The following ABCD3 variants were observed in gnomAD, a reference collection of about 807,000 sequenced individuals.
ABCD3 encodes the protein ATP binding cassette subfamily D member 3.
Under a neutral mutation model 105.5 loss-of-function variants are expected in ABCD3, and 41 were observed. That is an observed-to-expected ratio of 0.39 (90% confidence interval 0.30 to 0.50). The LOEUF (loss-of-function observed/expected upper bound fraction) is 0.50, where lower values mean the gene tolerates loss of function less well. Ranked by LOEUF, ABCD3 falls within the 20% of genes least tolerant of loss-of-function variation. The pLI, the probability that ABCD3 is intolerant of heterozygous loss-of-function variation, is 0.84. For missense variants in ABCD3, 622 were observed against 806.3 expected, an observed-to-expected ratio of 0.77 and a Z score of 2.77; for synonymous variants, 258 against 269.0, an observed-to-expected ratio of 0.96 and a Z score of 0.40.
chr1:94,476,212 A>G (rs949896189), intron 7 of ABCD3, among the ~76,000 whole-genome samples: 12 of 152,114 alleles, frequency 7.9e-5, no homozygotes, highest in African/African-American at 2.9e-4. Flanking sequence ...CAGTTTTCTA[A>G]TTACTGTTTT....
intron 21 of ABCD3, 99 bp from the exon 22 acceptor site, chr1:94,515,047 A>C (rs1195752955): frequency 1.1e-6 from 1 of 916,934 alleles, no homozygotes; most frequent in Non-Finnish European, 1.8e-6. Context: ...TTTTAACTTT[A>C]GTCACTGAAG....
intron 15 of ABCD3, among the ~76,000 whole-genome samples, chr1:94,490,390 C>T (rs1370713779): frequency 6.6e-6 from 1 of 151,944 alleles, no homozygotes; most frequent in African/African-American, 2.4e-5. Flanking sequence ...AATATTACCC[C>T]CATTTCCTCT....
chr1:94,390,901 C>G, the ABCD3 span, among the ~76,000 whole-genome samples: 187 of 152,318 alleles, frequency 1.2e-3, no homozygotes, highest in African/African-American at 4.3e-3. Flanking sequence ...CTTGGCTTCT[C>G]TATGCCCCCA....
At chr1:94,481,984 G>A (rs775106403) in intron 9 of ABCD3, 1 of 152,208 alleles carries the variant, frequency 6.6e-6, no homozygotes, top group Non-Finnish European at 1.5e-5. Flanking sequence ...GAGAATAGAT[G>A]TTGGATGGGC....
chr1:94,390,578 C>T, the ABCD3 span, among the ~76,000 whole-genome samples: 14 of 152,260 alleles, frequency 9.2e-5, no homozygotes, highest in Admixed American at 5.9e-4. Flanking sequence ...GCTGGGATTA[C>T]AGGTGTGTGC....
intron 4 of ABCD3, chr1:94,472,204 A>G (rs1648488828): frequency 1.0e-6 from 1 of 981,070 alleles, no homozygotes; most frequent in African/African-American, 1.8e-5. Flanking sequence ...GGCTTTATTC[A>G]AGAAACCATT....
At position 94,467,901 on chromosome 1, in the gene ABCD3, A is replaced by G. The variant is rs371274977; in HGVS notation, c.247-18A>G. 9.3e-5 allele frequency: 146 copies of G among 1,561,912 alleles called. No individual in the cohort carries two copies. The highest frequency in any genetic ancestry group is 1.2e-4 in the Non-Finnish European group (136 of 1,133,616). On this transcript the variant is annotated intron_variant, in intron 3 of 22. Transcript: ENST00000370214. Reference sequence around the variant, plus strand: ...CTAAAATGCATGTATTTAATTTACTATACCTGGTTTATTTTAGACAGGTTA... The same window carrying G: ...CTAAAATGCATGTATTTAATTTACTGTACCTGGTTTATTTTAGACAGGTTA...
At chr1:94,405,933 A>T in the ABCD3 span, among the ~76,000 whole-genome samples, 1 of 150,374 alleles carries the variant, frequency 6.7e-6, no homozygotes, top group Non-Finnish European at 1.5e-5. Context: ...AGAAATTTTT[A>T]AAAATTATAT....
intron 21 of ABCD3, among the ~76,000 whole-genome samples, chr1:94,507,700 T>C (rs1242152961): frequency 6.6e-6 from 1 of 152,070 alleles, no homozygotes; most frequent in Non-Finnish European, 1.5e-5. Flanking sequence ...GTGTGAGATG[T>C]TATCTCACTG....
At chr1:94,409,745 T>C in the ABCD3 span, among the ~76,000 whole-genome samples, 3 of 152,140 alleles carry the variant, frequency 2.0e-5, no homozygotes, top group Non-Finnish European at 4.4e-5. Context: ...CACATAGTGG[T>C]ACAGAATCCA....
intron 1 of ABCD3, among the ~76,000 whole-genome samples, chr1:94,429,095 T>C (rs145556962): frequency 6.6e-4 from 101 of 152,306 alleles, no homozygotes; most frequent in African/African-American, 2.4e-3. Context: ...AAGGTGACTC[T>C]TGTTATGTTT....
the ABCD3 span, among the ~76,000 whole-genome samples, chr1:94,388,558 C>A: frequency 2.0e-5 from 3 of 152,190 alleles, no homozygotes; most frequent in African/African-American, 7.2e-5. Context: ...GAGAAGCACC[C>A]TACTTGCCCC....
chr1:94,434,839 C>G (rs1021668661), intron 1 of ABCD3, among the ~76,000 whole-genome samples: 1 of 152,196 alleles, frequency 6.6e-6, no homozygotes, highest in Non-Finnish European at 1.5e-5. Flanking sequence ...CCACATGGCC[C>G]TTCCCAGTCA....
At position 94,489,939 on chromosome 1, in the gene ABCD3, G is replaced by C; in HGVS notation, c.1286G>C (p.Gly429Ala). Residue 429 changes from glycine to alanine, a missense_variant, in exon 15 of 23, where the codon GGT becomes GCT. Around this residue, in one of 4 missense-constraint regions of ABCD3, gnomAD observed 285 missense variants for 352.5 expected, o/e 0.81. Transcript: ENST00000370214. ...GTACAAGTCATTCCCTTGATACCTG[G>C]TGCTGGAGAAATCATTATTGCAGAT... ...EGVQVIPLIPGAGEIIIADNI... is the reference protein window; with the variant it reads ...EGVQVIPLIPAAGEIIIADNI... 1 of 1,613,074 alleles carries C rather than the reference G, an allele frequency of 6.2e-7. No homozygotes were observed. The highest frequency in any genetic ancestry group is 8.5e-7 in the Non-Finnish European group (1 of 1,179,288).
chr1:94,497,841 A>G (rs889501966), intron 16 of ABCD3, among the ~76,000 whole-genome samples: 11 of 152,164 alleles, frequency 7.2e-5, no homozygotes, highest in African/African-American at 2.7e-4. Context: ...ACTATGGAAG[A>G]TGCTTGAGGC....
chr1:94,482,752 C>T, intron 9 of ABCD3: 1 of 189,986 alleles, frequency 5.3e-6, no homozygotes, highest in Non-Finnish European at 1.1e-5. Context: ...TATGTCAAGT[C>T]ATCACTATCC....
At chr1:94,493,835 A>T (rs1446165812) in intron 16 of ABCD3, among the ~76,000 whole-genome samples, 26 of 152,264 alleles carry the variant, frequency 1.7e-4, no homozygotes, top group South Asian at 4.1e-4. Flanking sequence ...TCAGTAAACT[A>T]TCGCAAGGAC....
chr1:94,399,001 A>G, the ABCD3 span, among the ~76,000 whole-genome samples: 9 of 152,210 alleles, frequency 5.9e-5, no homozygotes, highest in Non-Finnish European at 1.3e-4. Context: ...TCAAAAAAAA[A>G]ACAAAACTTG....
At chr1:94,506,445 A>C (rs1036174463) in intron 20 of ABCD3, 93 bp from the exon 21 acceptor site, 1 of 744,262 alleles carries the variant, frequency 1.3e-6, no homozygotes, top group African/African-American at 1.7e-5. Context: ...TTGATTTACA[A>C]GACTACAAAT....
Sources: allele counts gnomAD v4.1 joint callset (sites outside exome capture counted in the v4.1 genomes callset), GRCh38; gene constraint gnomAD v4.1.1; regional missense constraint gnomAD v4.1.1; transcripts MANE v1.5; gene names NCBI Gene and HGNC (gene_info 2026-07-23, HGNC 2026-07-21).